FGD4: variants seen among roughly 807,000 people sequenced by gnomAD.
The protein encoded by FGD4 is FYVE, RhoGEF and PH domain-containing protein 4.
Under a neutral mutation model 102.0 loss-of-function variants are expected in FGD4, and 42 were observed. The observed-to-expected ratio is 0.41, with a 90% CI of 0.32 to 0.53. FGD4 has a LOEUF of 0.53. FGD4 is among the 20% of genes least tolerant of loss of function. The pLI, the probability that FGD4 is intolerant of heterozygous loss-of-function variation, is 0.21. For synonymous variants in FGD4, 380 were observed against 375.7 expected, an observed-to-expected ratio of 1.01 and a Z score of -0.13; for missense variants, 902 against 1,078.2, an observed-to-expected ratio of 0.84 and a Z score of 2.29.
intron 1 of FGD4, among the ~76,000 whole-genome samples, chr12:32,433,372 G>A (rs1017436631): frequency 2.7e-5 from 4 of 149,946 alleles, no homozygotes; most frequent in East Asian, 2.0e-4. Flanking sequence ...TTTTTGAGTC[G>A]GAGTCTTGCT....
intron 1 of FGD4, among the ~76,000 whole-genome samples, chr12:32,555,334 T>C (rs575544530): frequency 1.8e-4 from 28 of 152,030 alleles, no homozygotes; most frequent in African/African-American, 6.8e-4. Context: ...AAGAGTTGGG[T>C]GATGAGGGGT....
intron 1 of FGD4, among the ~76,000 whole-genome samples, chr12:32,447,807 G>GTGT (rs1313840200): frequency 2.6e-5 from 4 of 152,202 alleles, no homozygotes; most frequent in Non-Finnish European, 5.9e-5. Context: ...TCAGTACACC[G>GTGT]TGTCTGATTT....
In FGD4 at chr12:32,480,764, G is replaced by A. The variant is rs1007467892; in HGVS notation, c.166+80805G>A. 2.7e-5 allele frequency among the ~76,000 whole-genome samples: 4 copies of A among 149,236 alleles called. 1 individual carries two copies. Among genetic ancestry groups the A allele is most frequent in the South Asian group, 4.3e-4 (2 of 4,682 alleles). On this transcript the variant is annotated intron_variant, in intron 1 of 16. Coordinates refer to ENST00000534526, the MANE Select transcript of FGD4 (RefSeq NM_001370298.3). ...TCCGCCCTCCTTGGCCCCCCAAAGT[G>A]CTGGGATTACAGGCGTGAGCCACCA... is the stretch of plus-strand genomic sequence containing the variant.
intron 1 of FGD4, among the ~76,000 whole-genome samples, chr12:32,563,071 G>A (rs892188299): frequency 6.7e-6 from 1 of 148,840 alleles, no homozygotes; most frequent in Non-Finnish European, 1.5e-5. Flanking sequence ...TCCCGGACGG[G>A]GCGGCTGGCC....
At chr12:32,559,804 T>C (rs746220014) in intron 1 of FGD4, among the ~76,000 whole-genome samples, 19 of 152,346 alleles carry the variant, frequency 1.2e-4, no homozygotes, top group Middle Eastern at 3.4e-3. Flanking sequence ...GTCAAACATT[T>C]TTCATATTTT....
At chr12:32,615,865 G>T (rs905952758) in intron 10 of FGD4, among the ~76,000 whole-genome samples, 1 of 152,082 alleles carries the variant, frequency 6.6e-6, no homozygotes, top group Non-Finnish European at 1.5e-5. Context: ...ATTGGGGCAG[G>T]AGAATAGTGT....
At chr12:32,496,706 A>G (rs943410928) in intron 1 of FGD4, among the ~76,000 whole-genome samples, 1 of 152,200 alleles carries the variant, frequency 6.6e-6, no homozygotes. Flanking sequence ...CTTCACTTTC[A>G]TATATTTCAG....
At chr12:32,633,447 T>C in intron 14 of FGD4, 102 bp from the exon 15 acceptor site, 1 of 1,303,166 alleles carries the variant, frequency 7.7e-7, no homozygotes, top group Middle Eastern at 2.5e-4. Flanking sequence ...AAATCTGCCT[T>C]CTATGCTTAA....
chr12:32,624,991 A>G lies in FGD4; in HGVS notation c.1969A>G (p.Ile657Val), dbSNP rs775237819. ...EEWIKALQET[I>V]DAFHQRHETF... ...TATACTTTAGGCCCTTCAAGAAACC[A>G]TCGATGCTTTTCATCAAAGGCATGA... Residue 657 changes from isoleucine (I) to valine (V), a missense_variant, in exon 13 of 17, where the codon ATC becomes GTC. Physicochemically the swap from Ile to Val is conservative, Grantham distance 29. Coordinates refer to ENST00000534526, the MANE Select transcript of FGD4 (RefSeq NM_001370298.3). 1.2e-6 allele frequency: 2 copies of G among 1,613,392 alleles called. No individual in the cohort carries two copies. The highest frequency in any genetic ancestry group is 1.7e-6 in the Non-Finnish European group (2 of 1,179,528).
chr12:32,630,749 G>C (rs1950453626), intron 14 of FGD4, among the ~76,000 whole-genome samples: 1 of 151,544 alleles, frequency 6.6e-6, no homozygotes, highest in Admixed American at 6.6e-5. Context: ...CTAGGAGGTG[G>C]AGATTGCAGT....
chr12:32,547,127 A>G (rs1943287092), intron 1 of FGD4, among the ~76,000 whole-genome samples: 2 of 152,194 alleles, frequency 1.3e-5, no homozygotes, highest in South Asian at 4.1e-4. Flanking sequence ...TACAAACCAC[A>G]TGTAGATATG....
chr12:32,437,395 C>T (rs1020982648), intron 1 of FGD4, among the ~76,000 whole-genome samples: 2 of 152,188 alleles, frequency 1.3e-5, no homozygotes, highest in Non-Finnish European at 2.9e-5. Flanking sequence ...GTCAGCTACA[C>T]GTGGCTGAGC....
At chr12:32,415,861 G>A (rs1039250183) in intron 1 of FGD4, among the ~76,000 whole-genome samples, 5 of 152,130 alleles carry the variant, frequency 3.3e-5, no homozygotes, top group Non-Finnish European at 1.5e-5. Flanking sequence ...TCTGATATAA[G>A]TATAGCTACT....
intron 1 of FGD4, among the ~76,000 whole-genome samples, chr12:32,456,059 C>T (rs146086013): frequency 6.1e-4 from 93 of 152,266 alleles, no homozygotes; most frequent in African/African-American, 2.2e-3. Flanking sequence ...GCAAGCATTA[C>T]TGTCATTAAC....
At chr12:32,596,827 C>G (rs560255751) in intron 4 of FGD4, among the ~76,000 whole-genome samples, 2 of 151,384 alleles carry the variant, frequency 1.3e-5, no homozygotes, top group Admixed American at 1.3e-4. Flanking sequence ...CTCAGCTACT[C>G]GGGAGACTGA....
chr12:32,413,126 C>G (rs932714954), intron 1 of FGD4, among the ~76,000 whole-genome samples: 1 of 151,322 alleles, frequency 6.6e-6, no homozygotes, highest in Non-Finnish European at 1.5e-5. Context: ...AAAATAATTA[C>G]CAACAGGGTG....
chr12:32,599,868 T>C (rs1446179948), intron 5 of FGD4, among the ~76,000 whole-genome samples: 1 of 151,864 alleles, frequency 6.6e-6, no homozygotes, highest in Non-Finnish European at 1.5e-5. Context: ...CCTAATCCTG[T>C]TTCAGCAATA....
chr12:32,550,683 A>AAG lies in FGD4; in HGVS notation c.167-13453_167-13452insGA, dbSNP rs1438446917. ...AAGACACTGTCTCAAAAAAAAAAAAAAAAAAAAAGAAAGAGACAAAAAGTT... is the reference window on the plus strand; with the variant it reads ...AAGACACTGTCTCAAAAAAAAAAAAAAGAAAAAAAAGAAAGAGACAAAAAGTT... On this transcript the variant is annotated intron_variant, in intron 1 of 16. Coordinates refer to ENST00000534526, the MANE Select transcript of FGD4 (RefSeq NM_001370298.3). 3.4e-3 allele frequency among the ~76,000 whole-genome samples: 498 copies of AAG among 146,892 alleles called. 4 individuals are homozygous for AAG. Among genetic ancestry groups the AAG allele is most frequent in the African/African-American group, 0.012 (481 of 40,650 alleles).
At chr12:32,633,932 C>G (rs1950643435) in intron 15 of FGD4, among the ~76,000 whole-genome samples, 1 of 152,222 alleles carries the variant, frequency 6.6e-6, no homozygotes, top group African/African-American at 2.4e-5. Flanking sequence ...ATCTGCCCAC[C>G]TCGGCCTCCC....
Sources: allele counts gnomAD v4.1 joint callset (sites outside exome capture counted in the v4.1 genomes callset), GRCh38; gene constraint gnomAD v4.1.1; transcripts MANE v1.5; gene names NCBI Gene and HGNC (gene_info 2026-07-23, HGNC 2026-07-21).